USP13: variants seen among roughly 807,000 people sequenced by gnomAD.
The protein encoded by USP13 is ubiquitin specific peptidase 13.
Under a neutral mutation model 107.8 loss-of-function variants are expected in USP13, and 68 were observed. That is an observed-to-expected ratio of 0.63 (90% CI 0.52 to 0.77). The LOEUF is 0.77. USP13 is among the 30% of genes least tolerant of loss of function. The probability of loss-of-function intolerance (pLI) is 0.00; values close to 1 mark genes in which losing one functional copy is unlikely to be tolerated. For missense variants in USP13, 945 were observed against 1,093.3 expected (o/e 0.86, Z 1.91); for synonymous variants, 377 against 389.5 (o/e 0.97, Z 0.38).
At chr3:179,694,574 G>A (rs899725813) in intron 3 of USP13, among the ~76,000 whole-genome samples, 2 of 152,046 alleles carry the variant, frequency 1.3e-5, no homozygotes, top group Non-Finnish European at 2.9e-5. Flanking sequence ...AGGCCAAGGT[G>A]GGTGGATCAC....
At chr3:179,664,774 A>T (rs1283107673) in intron 1 of USP13, among the ~76,000 whole-genome samples, 1 of 152,192 alleles carries the variant, frequency 6.6e-6, no homozygotes, top group Admixed American at 6.5e-5. Flanking sequence ...GCAAGATAGT[A>T]TGTGCCTCAT....
chr3:179,686,255 G>T (rs1234887577), intron 2 of USP13, among the ~76,000 whole-genome samples: 1 of 152,146 alleles, frequency 6.6e-6, no homozygotes. Flanking sequence ...GGAAAAAAGG[G>T]AATCCCTGGA....
chr3:179,744,195 C>CT (rs1257032676), intron 12 of USP13, among the ~76,000 whole-genome samples: 1 of 152,116 alleles, frequency 6.6e-6, no homozygotes, highest in Non-Finnish European at 1.5e-5. Context: ...TTGATGGTGG[C>CT]TAACTGCAGT....
intron 18 of USP13, 38 bp from the exon 19 acceptor site, chr3:179,765,657 A>T: frequency 1.2e-6 from 2 of 1,608,512 alleles, no homozygotes; most frequent in East Asian, 2.2e-5. Context: ...CTGAGGCTGC[A>T]TGCATTGTAA....
At chr3:179,663,442 A>T (rs1720508688) in intron 1 of USP13, among the ~76,000 whole-genome samples, 1 of 152,198 alleles carries the variant, frequency 6.6e-6, no homozygotes, top group Non-Finnish European at 1.5e-5. Context: ...TGCCATGAAC[A>T]TGGCTATCTC....
At chr3:179,684,013 T>C (rs1395606021) in intron 2 of USP13, among the ~76,000 whole-genome samples, 1 of 152,018 alleles carries the variant, frequency 6.6e-6, no homozygotes, top group Non-Finnish European at 1.5e-5. Flanking sequence ...CAGGCTGGAG[T>C]GCAGTGGCGC....
At chr3:179,720,198 A>G (rs60372316) in intron 7 of USP13, among the ~76,000 whole-genome samples, 164 bp downstream of exon 7, 27,003 of 152,060 alleles carry the variant, frequency 0.18, 2,481 homozygotes, top group Admixed American at 0.24. Flanking sequence ...TTTAATTAGT[A>G]GATGTTTTCT....
Position 179,670,376 on chromosome 3 carries a change from C to T in USP13, c.169-11502C>T, listed in dbSNP as rs531266068. ...CATTGAGGGACTGAACACATTCCTT[C>T]TGCCGCTCACCCCCATGGCCTTCTT... On this transcript the variant is annotated intron_variant, in intron 1 of 20. Transcript: ENST00000263966. 3.9e-5 allele frequency among the ~76,000 whole-genome samples: 6 copies of T among 152,316 alleles called. No individual in the cohort carries two copies. The East Asian group carries it at 1.2e-3, about 29-fold the overall frequency.
chr3:179,755,442 G>T (rs904426821), intron 15 of USP13, among the ~76,000 whole-genome samples: 2 of 151,970 alleles, frequency 1.3e-5, no homozygotes, highest in African/African-American at 4.8e-5. Flanking sequence ...CTACAGGCGC[G>T]TGCCACCATG....
At chr3:179,683,395 A>T (rs1350105254) in intron 2 of USP13, among the ~76,000 whole-genome samples, 4 of 152,220 alleles carry the variant, frequency 2.6e-5, no homozygotes, top group African/African-American at 9.6e-5. Context: ...ATTTTATACT[A>T]GTCTGTTTTC....
intron 1 of USP13, among the ~76,000 whole-genome samples, chr3:179,674,633 ATTC>A (rs944077124): frequency 6.7e-6 from 1 of 149,370 alleles, no homozygotes; most frequent in Admixed American, 6.6e-5. Flanking sequence ...TTTTTTTTTA[ATTC>A]TTCTCTCGGG....
In USP13 at chr3:179,706,961, A is replaced by C; in HGVS notation, c.505A>C (p.Ser169Arg). Residue 169 changes from serine to arginine, a missense_variant, in exon 5 of 21, where the codon AGC (serine) becomes CGC (arginine). Physicochemically the swap from Ser to Arg is moderately radical, Grantham distance 110. Coordinates refer to ENST00000263966, the MANE Select transcript of USP13 (RefSeq NM_003940.3). ...AACAATTGCTTGTGATGCAGTTCTC[A>C]GCTCAAAATCTCCATACAGAAAGCA... ...LVTIACDAVL[S>R]SKSPYRKQDP... 6.2e-7 allele frequency: 1 copy of C among 1,614,032 alleles called. No individual in the cohort carries two copies. The highest frequency in any genetic ancestry group is 8.5e-7 in the Non-Finnish European group (1 of 1,180,000).
chr3:179,726,128 T>A (rs1227268674), intron 8 of USP13, among the ~76,000 whole-genome samples: 4 of 152,042 alleles, frequency 2.6e-5, no homozygotes, highest in Non-Finnish European at 5.9e-5. Flanking sequence ...CGGCCCCTCT[T>A]GTTTTATCTG....
intron 15 of USP13, among the ~76,000 whole-genome samples, chr3:179,755,433 T>A (rs1053459382): frequency 7.2e-5 from 11 of 152,164 alleles, no homozygotes; most frequent in Non-Finnish European, 1.2e-4. Context: ...TAGCTGGGAC[T>A]ACAGGCGCGT....
chr3:179,717,858 T>G (rs1713160604), intron 6 of USP13, among the ~76,000 whole-genome samples: 1 of 152,192 alleles, frequency 6.6e-6, no homozygotes, highest in African/African-American at 2.4e-5. Flanking sequence ...GAATTATATT[T>G]AAAAAATATA....
At chr3:179,769,592 A>G (rs1331933627) in intron 19 of USP13, among the ~76,000 whole-genome samples, 1 of 152,148 alleles carries the variant, frequency 6.6e-6, no homozygotes. Context: ...TATTTTTAGT[A>G]GAGACGGAAT....
intron 2 of USP13, among the ~76,000 whole-genome samples, chr3:179,684,534 C>G (rs2108457139): frequency 6.6e-6 from 1 of 151,344 alleles, no homozygotes; most frequent in East Asian, 2.0e-4. Flanking sequence ...GACCATGGTG[C>G]TCCGTCTTGT....
chr3:179,774,562 G>C (rs568665009), intron 19 of USP13, among the ~76,000 whole-genome samples: 1 of 148,994 alleles, frequency 6.7e-6, no homozygotes, highest in Admixed American at 6.6e-5. Flanking sequence ...TCCTCCCTGT[G>C]GGTTTGTGGT....
At chr3:179,657,466 A>G (rs1720299980) in intron 1 of USP13, among the ~76,000 whole-genome samples, 1 of 152,036 alleles carries the variant, frequency 6.6e-6, no homozygotes, top group South Asian at 2.1e-4. Flanking sequence ...AGAAGAAAGA[A>G]AAATAGTCAG....
Sources: allele counts gnomAD v4.1 joint callset (sites outside exome capture counted in the v4.1 genomes callset), GRCh38; gene constraint gnomAD v4.1.1; transcripts MANE v1.5; gene names NCBI Gene and HGNC (gene_info 2026-07-23, HGNC 2026-07-21).